RABGAP1L: variants seen among roughly 807,000 people sequenced by gnomAD.
RABGAP1L encodes the protein rab GTPase-activating protein 1-like.
RABGAP1L carries 63 observed loss-of-function variants against 137.7 expected under a neutral mutation model. That is an observed-to-expected ratio of 0.46 (90% CI 0.37 to 0.56). RABGAP1L has a LOEUF of 0.56. Ranked by LOEUF, RABGAP1L falls within the 20% of genes least tolerant of loss-of-function variation. RABGAP1L has a pLI of 0.00. For synonymous variants in RABGAP1L, 431 were observed against 433.7 expected (o/e 0.99, Z 0.08); for missense variants, 1,095 against 1,244.0 (o/e 0.88, Z 1.80).
chr1:174,206,374 G>GTA (rs1207162201), intron 1 of RABGAP1L, among the ~76,000 whole-genome samples: 1 of 152,122 alleles, frequency 6.6e-6, no homozygotes, highest in East Asian at 1.9e-4. Flanking sequence ...AGACTGTTTA[G>GTA]TAAACAAAAG....
intron 13 of RABGAP1L, among the ~76,000 whole-genome samples, chr1:174,421,309 A>G (rs1173109653): frequency 6.6e-6 from 1 of 152,174 alleles, no homozygotes; most frequent in Non-Finnish European, 1.5e-5. Context: ...TCTTTTTCCT[A>G]GGCAACAACA....
chr1:174,294,398 A>C (rs556038731), intron 10 of RABGAP1L, among the ~76,000 whole-genome samples: 1 of 152,342 alleles, frequency 6.6e-6, no homozygotes, highest in South Asian at 2.1e-4. Context: ...GGTTAACTTC[A>C]TAAATCTCTG....
chr1:174,485,323 T>C (rs1163190802), intron 13 of RABGAP1L, among the ~76,000 whole-genome samples: 1 of 152,164 alleles, frequency 6.6e-6, no homozygotes, highest in Non-Finnish European at 1.5e-5. Context: ...GATTTGATGC[T>C]CTTTATATCC....
chr1:174,721,985 G>A (rs942701687), intron 17 of RABGAP1L, among the ~76,000 whole-genome samples: 1 of 152,158 alleles, frequency 6.6e-6, no homozygotes, highest in Non-Finnish European at 1.5e-5. Context: ...AGGCTGGAGT[G>A]CAATGGCGCC....
intron 1 of RABGAP1L, among the ~76,000 whole-genome samples, chr1:174,180,746 C>T (rs575782394): frequency 2.0e-5 from 3 of 152,326 alleles, no homozygotes; most frequent in Admixed American, 6.5e-5. Flanking sequence ...GGATTACAGG[C>T]ATGAGCCACC....
intron 13 of RABGAP1L, among the ~76,000 whole-genome samples, chr1:174,607,564 C>CA (rs1400670482): frequency 1.3e-4 from 20 of 151,990 alleles, no homozygotes; most frequent in Admixed American, 7.2e-4. Flanking sequence ...CAAAATCAGC[C>CA]ACCACTCCTT....
At chr1:174,641,583 G>A (rs1361167302) in intron 14 of RABGAP1L, among the ~76,000 whole-genome samples, 1 of 152,120 alleles carries the variant, frequency 6.6e-6, no homozygotes, top group Non-Finnish European at 1.5e-5. Context: ...CCATGAGACA[G>A]GGAAGAATAT....
At chr1:174,788,553 C>G (rs375038095) in intron 18 of RABGAP1L, among the ~76,000 whole-genome samples, 4 of 152,210 alleles carry the variant, frequency 2.6e-5, no homozygotes, top group East Asian at 3.8e-4. Flanking sequence ...TACCTTCAGT[C>G]TCTTCCTCTC....
intron 11 of RABGAP1L, among the ~76,000 whole-genome samples, chr1:174,361,753 G>A (rs1203056938): frequency 6.6e-6 from 1 of 152,014 alleles, no homozygotes; most frequent in Admixed American, 6.6e-5. Flanking sequence ...TTCCTTTTCA[G>A]TATGAATGCC....
chr1:174,804,255 G>GT (rs1300587382), intron 18 of RABGAP1L, among the ~76,000 whole-genome samples: 2 of 67,148 alleles, frequency 3.0e-5, no homozygotes, highest in African/African-American at 6.4e-5. Context: ...TTTTTTTTTT[G>GT]TTTGTTTTGT....
At chr1:174,723,208 G>T (rs1455499462) in intron 17 of RABGAP1L, among the ~76,000 whole-genome samples, 1 of 152,116 alleles carries the variant, frequency 6.6e-6, no homozygotes, top group East Asian at 1.9e-4. Flanking sequence ...CCAAGTAGCT[G>T]GGATTACAGG....
intron 13 of RABGAP1L, among the ~76,000 whole-genome samples, chr1:174,429,250 C>G (rs888006968): frequency 6.6e-6 from 1 of 152,178 alleles, no homozygotes; most frequent in African/African-American, 2.4e-5. Flanking sequence ...TAGTCGTCTT[C>G]TTCACTGGAT....
At chr1:174,730,317 G>A (rs950339651) in intron 17 of RABGAP1L, among the ~76,000 whole-genome samples, 4 of 152,132 alleles carry the variant, frequency 2.6e-5, no homozygotes, top group African/African-American at 9.7e-5. Flanking sequence ...AATAGAGGAG[G>A]GGAGGAAAAG....
At chr1:174,454,114 T>C (rs751934325) in intron 13 of RABGAP1L, among the ~76,000 whole-genome samples, 11 of 151,948 alleles carry the variant, frequency 7.2e-5, no homozygotes, top group Non-Finnish European at 1.3e-4. Context: ...AATACAAAAA[T>C]TAGCTGGGTA....
At chr1:174,288,642 T>C (rs1676287699) in intron 10 of RABGAP1L, among the ~76,000 whole-genome samples, 1 of 152,230 alleles carries the variant, frequency 6.6e-6, no homozygotes, top group African/African-American at 2.4e-5. Context: ...ATTCTCTCTT[T>C]GTCTTTGACT....
At chr1:174,750,087 T>A (rs1684226164) in intron 17 of RABGAP1L, among the ~76,000 whole-genome samples, 1 of 152,104 alleles carries the variant, frequency 6.6e-6, no homozygotes, top group Non-Finnish European at 1.5e-5. Flanking sequence ...GCCAGGATGG[T>A]CTCGATCTCC....
At chr1:174,173,088 A>T (rs1665542331) in intron 1 of RABGAP1L, among the ~76,000 whole-genome samples, 1 of 151,710 alleles carries the variant, frequency 6.6e-6, no homozygotes, top group African/African-American at 2.4e-5. Flanking sequence ...TCTGAGTAAG[A>T]TGCAGCTATG....
At chr1:174,341,893 AG>A in intron 11 of RABGAP1L, among the ~76,000 whole-genome samples, 1 of 152,188 alleles carries the variant, frequency 6.6e-6, no homozygotes, top group East Asian at 1.9e-4. Flanking sequence ...GCTTAATTTA[AG>A]TATCTTTCTT....
At chr1:174,633,082 G>T (rs1447323732) in intron 13 of RABGAP1L, among the ~76,000 whole-genome samples, 2 of 152,080 alleles carry the variant, frequency 1.3e-5, no homozygotes, top group Admixed American at 1.3e-4. Context: ...AGGAAAAGAG[G>T]AAGTCAAATT....
Sources: allele counts gnomAD v4.1 joint callset (sites outside exome capture counted in the v4.1 genomes callset), GRCh38; gene constraint gnomAD v4.1.1; transcripts MANE v1.5; gene names NCBI Gene and HGNC (gene_info 2026-07-23, HGNC 2026-07-21).